EPHA6: variants seen among roughly 807,000 people sequenced by gnomAD.
The protein encoded by EPHA6 is ephrin type-A receptor 6.
A neutral mutation model predicts 112.0 loss-of-function variants in EPHA6; 50 were observed. That is an observed-to-expected ratio of 0.45 (90% CI 0.36 to 0.56). The LOEUF is 0.56. Among genes scored for constraint, EPHA6 ranks in the 20% least tolerant of loss-of-function variants. The pLI is 0.00. For synonymous variants in EPHA6, 529 were observed against 490.7 expected, an observed-to-expected ratio of 1.08 and a Z score of -1.03; for missense variants, 1,280 against 1,417.4, an observed-to-expected ratio of 0.90 and a Z score of 1.56.
At chr3:96,993,992 G>C (rs947371725) in intron 3 of EPHA6, among the ~76,000 whole-genome samples, 7 of 152,072 alleles carry the variant, frequency 4.6e-5, no homozygotes, top group Non-Finnish European at 8.8e-5. Context: ...TATTTAAATT[G>C]CATTTAAATA....
intron 14 of EPHA6, among the ~76,000 whole-genome samples, chr3:97,675,237 G>T (rs2031252985): frequency 6.6e-6 from 1 of 152,098 alleles, no homozygotes; most frequent in Non-Finnish European, 1.5e-5. Flanking sequence ...TCCAGCACTT[G>T]GGAGGCTGAG....
chr3:97,058,861 T>G (rs1328960820), intron 3 of EPHA6, among the ~76,000 whole-genome samples: 1 of 152,182 alleles, frequency 6.6e-6, no homozygotes, highest in Non-Finnish European at 1.5e-5. Context: ...TTTTATATTT[T>G]ATATGCAAAG....
At chr3:97,113,330 C>T (rs978002223) in intron 3 of EPHA6, among the ~76,000 whole-genome samples, 1 of 152,062 alleles carries the variant, frequency 6.6e-6, no homozygotes, top group Non-Finnish European at 1.5e-5. Flanking sequence ...TGTAACTGAG[C>T]AGAGTGAGAT....
chr3:97,461,895 G>A (rs181275416), intron 7 of EPHA6, among the ~76,000 whole-genome samples: 28 of 152,236 alleles, frequency 1.8e-4, no homozygotes, highest in Non-Finnish European at 3.2e-4. Flanking sequence ...AGGCAAGTCA[G>A]GGGGCCTCCA....
rs900814999 is a variant in EPHA6, at chr3:97,758,522, T to C, written c.*9821T>C. 1.3e-5 allele frequency among the ~76,000 whole-genome samples: 2 copies of C among 151,936 alleles called. No individual in the cohort carries two copies. Among genetic ancestry groups the C allele is most frequent in the Non-Finnish European group, 2.9e-5 (2 of 67,860 alleles). On this transcript the variant is annotated 3_prime_UTR_variant, in exon 18 of 18. Coordinates refer to ENST00000389672, the MANE Select transcript of EPHA6 (RefSeq NM_001080448.3). ...GTTTATTGAACACTACCATGTACCATTGTCCTGTTCGAAGCACTGAGGATA... is the reference window on the plus strand; with the variant it reads ...GTTTATTGAACACTACCATGTACCACTGTCCTGTTCGAAGCACTGAGGATA...
At position 97,418,115 on chromosome 3, in the gene EPHA6, G is replaced by A. The variant is rs138634827; in HGVS notation, c.1731+12841G>A. Among the ~76,000 whole-genome samples, 470 of 151,620 alleles carry A rather than the reference G, an allele frequency of 3.1e-3. 3 individuals are homozygous for A. Among genetic ancestry groups the A allele is most frequent in the African/African-American group, 0.011 (443 of 41,396 alleles). The stretch of plus-strand genomic sequence containing the variant: ...AAAAGATAAGAAGAATAAGCAGATT[G>A]GGGGAAATTAAACTTATAAAATTAA... On this transcript the variant is annotated intron_variant, in intron 6 of 17. Coordinates refer to ENST00000389672, the MANE Select transcript of EPHA6 (RefSeq NM_001080448.3).
intron 3 of EPHA6, among the ~76,000 whole-genome samples, chr3:97,001,167 T>C (rs2043649996): frequency 6.6e-6 from 1 of 151,764 alleles, no homozygotes; most frequent in East Asian, 1.9e-4. Flanking sequence ...TATTCAACTA[T>C]TTTGAAGAAA....
chr3:97,349,815 T>C (rs892301589), intron 5 of EPHA6, among the ~76,000 whole-genome samples: 4 of 152,050 alleles, frequency 2.6e-5, no homozygotes, highest in African/African-American at 9.7e-5. Flanking sequence ...CGTATTAATC[T>C]TGGCCCCTCA....
chr3:97,224,253 C>T (rs747639343), intron 3 of EPHA6, among the ~76,000 whole-genome samples: 6 of 152,058 alleles, frequency 3.9e-5, no homozygotes, highest in Non-Finnish European at 7.4e-5. Context: ...TAGAAGATCA[C>T]TCTGTCTGAA....
At chr3:96,819,177 C>T (rs940255880) in intron 1 of EPHA6, among the ~76,000 whole-genome samples, 1 of 151,948 alleles carries the variant, frequency 6.6e-6, no homozygotes, top group Non-Finnish European at 1.5e-5. Flanking sequence ...ATTTAGTATT[C>T]ATGACTATAG....
At chr3:97,666,985 G>A (rs973916944) in intron 14 of EPHA6, among the ~76,000 whole-genome samples, 1 of 152,140 alleles carries the variant, frequency 6.6e-6, no homozygotes, top group African/African-American at 2.4e-5. Context: ...TAAGTAGTTT[G>A]TGTTTTAAGT....
intron 14 of EPHA6, among the ~76,000 whole-genome samples, chr3:97,705,376 A>ATCATGGCGCCTCTCACATT (rs1365647777): frequency 4.6e-4 from 70 of 152,082 alleles, no homozygotes; most frequent in African/African-American, 1.6e-3. Flanking sequence ...ACTCTCCACT[A>ATCATGGCGCCTCTCACATT]TCATGGCGCC....
chr3:96,982,228 G>A (rs2042825485), intron 2 of EPHA6, among the ~76,000 whole-genome samples: 1 of 152,180 alleles, frequency 6.6e-6, no homozygotes, highest in Non-Finnish European at 1.5e-5. Context: ...TGCTTTGAAT[G>A]TGTCCCAGAG....
intron 2 of EPHA6, among the ~76,000 whole-genome samples, chr3:96,970,543 C>T (rs768809513): frequency 7.2e-5 from 11 of 152,012 alleles, no homozygotes; most frequent in Non-Finnish European, 1.3e-4. Context: ...AGGAGTAGCT[C>T]TCCCATTAGT....
intron 3 of EPHA6, among the ~76,000 whole-genome samples, chr3:97,017,761 G>A (rs747647132): frequency 1.1e-4 from 17 of 152,036 alleles, no homozygotes; most frequent in Non-Finnish European, 1.9e-4. Context: ...ATGCCTTTAG[G>A]TGGTTGTCTT....
intron 11 of EPHA6, among the ~76,000 whole-genome samples, chr3:97,532,951 T>C (rs1471443023): frequency 6.6e-6 from 1 of 152,012 alleles, no homozygotes; most frequent in Non-Finnish European, 1.5e-5. Context: ...GTAAAACTTA[T>C]AAACAAAAAT....
chr3:97,563,449 C>T (rs779703710), intron 11 of EPHA6, among the ~76,000 whole-genome samples: 17 of 152,052 alleles, frequency 1.1e-4, no homozygotes, highest in Non-Finnish European at 2.4e-4. Flanking sequence ...AGGTCAGAGA[C>T]GTAAACAGGA....
chr3:97,065,537 A>C (rs576424127), intron 3 of EPHA6, among the ~76,000 whole-genome samples: 12 of 152,102 alleles, frequency 7.9e-5, no homozygotes, highest in Non-Finnish European at 1.6e-4. Flanking sequence ...AACTCATTGC[A>C]TATCCATTGT....
chr3:97,515,115 T>G (rs1315300054), intron 10 of EPHA6, among the ~76,000 whole-genome samples: 2 of 152,152 alleles, frequency 1.3e-5, no homozygotes, highest in African/African-American at 4.8e-5. Context: ...TAACCTGAGA[T>G]AGTATGTAGA....
Sources: gnomAD v4.1 joint callset for allele counts (sites outside exome capture counted in the v4.1 genomes callset) on GRCh38, gnomAD v4.1.1 for gene constraint, MANE v1.5 for transcripts, NCBI Gene and HGNC (gene_info 2026-07-23, HGNC 2026-07-21) for gene names.